Variants in THADA observed in about 807,000 individuals in gnomAD.
THADA encodes the protein THADA armadillo repeat containing.
Under a neutral mutation model 219.8 loss-of-function variants are expected in THADA, and 213 were observed. That is an observed-to-expected ratio of 0.97 (90% CI 0.87 to 1.09). The LOEUF is 1.09. Ranked by LOEUF, THADA falls within the 50% of genes least tolerant of loss-of-function variation. The probability of loss-of-function intolerance (pLI) is 0.00; values close to 1 mark genes in which losing one functional copy is unlikely to be tolerated. For synonymous variants in THADA, 1,018 were observed against 828.9 expected (o/e 1.23, Z -3.92); for missense variants, 2,956 against 2,311.3 (o/e 1.28, Z -5.72).
At chr2:43,380,517 G>A (rs1300833493) in intron 29 of THADA, among the ~76,000 whole-genome samples, 5 of 152,188 alleles carry the variant, frequency 3.3e-5, no homozygotes, top group Non-Finnish European at 7.3e-5. Flanking sequence ...AGTCAAAGAC[G>A]TCAGTATGAA....
intron 22 of THADA, among the ~76,000 whole-genome samples, chr2:43,509,072 T>G (rs1480079002): frequency 6.6e-6 from 1 of 152,220 alleles, no homozygotes; most frequent in African/African-American, 2.4e-5. Context: ...AGGTTGATCA[T>G]GGTCTCACAG....
chr2:43,313,902 C>T lies in THADA; in HGVS notation c.4438+6544G>A, dbSNP rs1042175083. On this transcript the variant is annotated intron_variant, in intron 31 of 37. Coordinates refer to ENST00000405975, the MANE Select transcript of THADA (RefSeq NM_022065.5). The stretch of plus-strand genomic sequence containing the variant: ...AGCTGGAGAGCTCAGGATCTGCCAC[C>T]TTAGCACACATGGGATGTTAGGCAC... Among the ~76,000 whole-genome samples the T allele has an allele frequency of 6.6e-5, 10 of 152,356 alleles. No individual in the cohort carries two copies. In the East Asian group the frequency reaches 1.2e-3, roughly 18 times the overall value.
At chr2:43,558,248 T>C (rs558726420) in intron 16 of THADA, among the ~76,000 whole-genome samples, 86 of 152,300 alleles carry the variant, frequency 5.6e-4, no homozygotes, top group African/African-American at 2.0e-3. Context: ...ACAATACGTA[T>C]GTACACGTCC....
chr2:43,457,368 A>C (rs1006113829), intron 26 of THADA, among the ~76,000 whole-genome samples: 5 of 152,104 alleles, frequency 3.3e-5, no homozygotes, highest in Non-Finnish European at 7.4e-5. Flanking sequence ...TAACAAGTTT[A>C]TTTGCTTCTT....
At chr2:43,452,928 CA>C (rs1163022292) in intron 26 of THADA, among the ~76,000 whole-genome samples, 3 of 152,060 alleles carry the variant, frequency 2.0e-5, no homozygotes, top group Admixed American at 6.5e-5. Flanking sequence ...CACCCACCCC[CA>C]AAAAAACATC....
intron 36 of THADA, among the ~76,000 whole-genome samples, chr2:43,240,368 T>C (rs1290431987): frequency 6.6e-6 from 1 of 152,218 alleles, no homozygotes; most frequent in African/African-American, 2.4e-5. Context: ...GATAACCTCA[T>C]TATTTCTAGT....
chr2:43,451,900 G>C (rs1416138442), intron 26 of THADA, among the ~76,000 whole-genome samples: 1 of 151,956 alleles, frequency 6.6e-6, no homozygotes, highest in Non-Finnish European at 1.5e-5. Flanking sequence ...TGAGGTCAGG[G>C]GTTCAAGACC....
At chr2:43,397,836 G>T in intron 29 of THADA, 135 bp downstream of exon 29, 2 of 799,546 alleles carry the variant, frequency 2.5e-6, no homozygotes, top group Non-Finnish European at 3.9e-6. Flanking sequence ...CTGATCTTTC[G>T]GAAGTAGAAA....
chr2:43,288,752 T>A (rs940038565), intron 34 of THADA, among the ~76,000 whole-genome samples: 1 of 152,224 alleles, frequency 6.6e-6, no homozygotes, highest in Non-Finnish European at 1.5e-5. Context: ...GGTGATCAAC[T>A]CAACCTTCAG....
intron 28 of THADA, among the ~76,000 whole-genome samples, chr2:43,427,821 T>A (rs1234617211): frequency 6.7e-6 from 1 of 149,202 alleles, no homozygotes; most frequent in African/African-American, 2.4e-5. Context: ...CCAGGCGTGG[T>A]GGCGGGTGCC....
At position 43,580,111 on chromosome 2, in the gene THADA, G is replaced by A. The variant is rs1021035404; in HGVS notation, c.722-1504C>T. Among the ~76,000 whole-genome samples, 3 of 143,464 alleles carry A rather than the reference G, an allele frequency of 2.1e-5. No homozygotes were observed. The Admixed American group carries it at 2.2e-4, about 11-fold the overall frequency. 94.1% of individuals were successfully genotyped at this position (143,464 alleles called of 152,430 possible). ...ATGATCTTGGCTCACTGCAACCTCT[G>A]TCTCCCGGGTTCAACTGATTCCCCT... On this transcript the variant is annotated intron_variant, in intron 8 of 37. Coordinates refer to ENST00000405975, the MANE Select transcript of THADA (RefSeq NM_022065.5).
intron 31 of THADA, among the ~76,000 whole-genome samples, chr2:43,312,945 T>C (rs1200753558): frequency 1.3e-5 from 2 of 152,130 alleles, no homozygotes; most frequent in Non-Finnish European, 2.9e-5. Flanking sequence ...AAAATGGAAA[T>C]AGTTAAATTT....
chr2:43,554,048 C>A (rs1042548538), intron 17 of THADA, among the ~76,000 whole-genome samples: 1 of 152,098 alleles, frequency 6.6e-6, no homozygotes, highest in African/African-American at 2.4e-5. Context: ...TTTGCAAATA[C>A]CCCATTTTTC....
At chr2:43,467,721 T>C (rs1334744715) in intron 26 of THADA, among the ~76,000 whole-genome samples, 1 of 152,214 alleles carries the variant, frequency 6.6e-6, no homozygotes, top group East Asian at 1.9e-4. Flanking sequence ...AATAATTGAC[T>C]ATTAATTTTA....
intron 17 of THADA, 81 bp downstream of exon 17, chr2:43,556,264 T>G (rs868440507): frequency 6.4e-7 from 1 of 1,550,414 alleles, no homozygotes; most frequent in African/African-American, 1.4e-5. Flanking sequence ...ACAAAATATA[T>G]GTTTAACCAT....
At chr2:43,397,319 C>A (rs1041699766) in intron 29 of THADA, among the ~76,000 whole-genome samples, 2 of 152,184 alleles carry the variant, frequency 1.3e-5, no homozygotes, top group Non-Finnish European at 2.9e-5. Flanking sequence ...GCCATTTGAA[C>A]AGGAGACCTC....
chr2:43,386,304 A>G (rs1427773208), intron 29 of THADA, among the ~76,000 whole-genome samples: 3 of 152,194 alleles, frequency 2.0e-5, no homozygotes, highest in Non-Finnish European at 4.4e-5. Flanking sequence ...AGAGAAATTC[A>G]AGTAAGATTT....
At chr2:43,480,322 C>T (rs2104995009) in intron 26 of THADA, among the ~76,000 whole-genome samples, 1 of 152,314 alleles carries the variant, frequency 6.6e-6, no homozygotes, top group South Asian at 2.1e-4. Flanking sequence ...TTCACAACTT[C>T]TCCTGTCCTT....
intron 36 of THADA, among the ~76,000 whole-genome samples, chr2:43,257,486 A>C (rs915569154): frequency 7.2e-5 from 11 of 152,216 alleles, no homozygotes; most frequent in African/African-American, 2.4e-4. Context: ...GAGGCTTCCG[A>C]GTCTCCTTCT....
Sources: allele counts gnomAD v4.1 joint callset (sites outside exome capture counted in the v4.1 genomes callset), GRCh38; gene constraint gnomAD v4.1.1; transcripts MANE v1.5; gene names NCBI Gene and HGNC (gene_info 2026-07-23, HGNC 2026-07-21).